MAS1: variants seen among roughly 807,000 people sequenced by gnomAD.
MAS1 encodes proto-oncogene Mas.
For missense variants in MAS1, 387 were observed against 409.7 expected, an observed-to-expected ratio of 0.94 and a Z score of 0.48; for synonymous variants, 163 against 164.2, an observed-to-expected ratio of 0.99 and a Z score of 0.05.
chr6:159,903,793 A>G (rs886172772), intron 2 of MAS1, among the ~76,000 whole-genome samples: 1 of 152,074 alleles, frequency 6.6e-6, no homozygotes, highest in Non-Finnish European at 1.5e-5. Context: ...CTTTCTATCC[A>G]TGTATAATTC....
intron 2 of MAS1, among the ~76,000 whole-genome samples, chr6:159,905,594 C>G (rs940105339): frequency 6.6e-6 from 1 of 152,202 alleles, no homozygotes; most frequent in African/African-American, 2.4e-5. Flanking sequence ...GAGATCACAG[C>G]TCAGGGCCCT....
chr6:159,898,591 GTTCCTC>G (rs1782783481), intron 1 of MAS1, among the ~76,000 whole-genome samples: 1 of 7,888 alleles, frequency 1.3e-4, no homozygotes, highest in African/African-American at 5.4e-4. Context: ...CCTTTTCCCT[GTTCCTC>G]CTTCCTCTTC....
Position 159,917,290 on chromosome 6 carries a change from A to G in MAS1, c.*9357A>G, listed in dbSNP as rs1446321402. On this transcript the variant is annotated 3_prime_UTR_variant, in exon 3 of 3. Transcript: ENST00000674077. ...TAATCACAAGGAGATTTAAAAAACG[A>G]GAGATTTTCTGTAGTAAGTACATTG... Among the ~76,000 whole-genome samples, 2 of 152,258 alleles carry G rather than the reference A, an allele frequency of 1.3e-5. No homozygotes were observed. The highest frequency in any genetic ancestry group is 4.8e-5 in the African/African-American group (2 of 41,456).
chr6:159,907,586 G>C lies in MAS1; in HGVS notation c.631G>C (p.Val211Leu). The change falls in exon 3 of 3, where the codon GTC becomes CTC. Residue 211 changes from valine to leucine, a missense_variant. Val to Leu is a conservative substitution (Grantham distance 32, BLOSUM62 1). Coordinates refer to ENST00000674077, the MANE Select transcript of MAS1 (RefSeq NM_002377.4). ...CATGCTGGTGTCCAGCACCATCTTG[G>C]TCGTGAAGATCCGGAAGAACACGTG... ...PLMLVSSTIL[V>L]VKIRKNTWAS... The C allele has an allele frequency of 6.2e-7, 1 of 1,613,920 alleles. No individual in the cohort carries two copies. The highest frequency in any genetic ancestry group is 8.5e-7 in the Non-Finnish European group (1 of 1,180,002).
chr6:159,892,912 G>A (rs1242419904), intron 1 of MAS1, among the ~76,000 whole-genome samples: 1 of 152,182 alleles, frequency 6.6e-6, no homozygotes, highest in East Asian at 1.9e-4. Context: ...TAAAATGCCA[G>A]CATGTGAAGC....
chr6:159,901,981 T>G (rs963648706), intron 2 of MAS1: 1 of 152,026 alleles, frequency 6.6e-6, no homozygotes, highest in African/African-American at 2.4e-5. Context: ...GAAACTGGTA[T>G]TGTGAAAGGA....
In MAS1 at chr6:159,907,838, T is replaced by A. The variant is rs1782915283; in HGVS notation, c.883T>A (p.Leu295Ile). The change falls in exon 3 of 3, where the codon TTA (leucine) becomes ATA (isoleucine). Residue 295 changes from leucine (L) to isoleucine (I), a missense_variant. Leu to Ile is a conservative substitution (Grantham distance 5). Coordinates refer to ENST00000674077, the MANE Select transcript of MAS1 (RefSeq NM_002377.4). ...TAAGAAGAAGAGATTCAAGGAGTCC[T>A]TAAAAGTTGTTCTGACCAGGGCTTT... Reference protein sequence around the residue: ...SSKKKRFKESLKVVLTRAFKD... With the variant: ...SSKKKRFKESIKVVLTRAFKD... The A allele has an allele frequency of 6.2e-7, 1 of 1,612,484 alleles. No homozygotes were observed. The highest frequency in any genetic ancestry group is 8.5e-7 in the Non-Finnish European group (1 of 1,179,790).
chr6:159,895,022 C>T (rs1188088984), intron 1 of MAS1, among the ~76,000 whole-genome samples: 2 of 152,136 alleles, frequency 1.3e-5, no homozygotes, highest in Admixed American at 1.3e-4. Flanking sequence ...TTAAAAACTC[C>T]ATCTTTTAAG....
Position 159,906,916 on chromosome 6 carries a change from A to C in MAS1, c.-36-4A>C. 6.5e-7 allele frequency: 1 copy of C among 1,537,522 alleles called. No individual in the cohort carries two copies. The highest frequency in any genetic ancestry group is 8.8e-7 in the Non-Finnish European group (1 of 1,140,616). On this transcript the variant is annotated splice_polypyrimidine_tract_variant and splice_region_variant and intron_variant, in intron 2 of 2. Coordinates refer to ENST00000674077, the MANE Select transcript of MAS1 (RefSeq NM_002377.4). ...TGTTTGTTTTGTTCTGGACATATTT[A>C]CAGAAAATTACCTGAAGAGTTCCAA...
Position 159,910,798 on chromosome 6 carries a change from G to A in MAS1, c.*2865G>A, listed in dbSNP as rs1001993470. ...TTCCACACTCACTGTCCTGACTCTT[G>A]CCACAATTCACCCCTCAACATCCTG... On this transcript the variant is annotated 3_prime_UTR_variant, in exon 3 of 3. Coordinates refer to ENST00000674077, the MANE Select transcript of MAS1 (RefSeq NM_002377.4). 1 of 151,874 alleles carries A rather than the reference G, an allele frequency of 6.6e-6. No homozygotes were observed. The highest frequency in any genetic ancestry group is 1.5e-5 in the Non-Finnish European group (1 of 68,020). 9.4% of individuals were successfully genotyped at this position (151,874 alleles called of 1,614,324 possible). A position where few individuals can be genotyped will look rare whatever the true frequency, so the allele number is the denominator to read the frequency against.
In MAS1 at chr6:159,916,190, C is replaced by A. The variant is rs540611319; in HGVS notation, c.*8257C>A. 6.6e-6 allele frequency: 1 copy of A among 152,272 alleles called. No individual in the cohort carries two copies. Among genetic ancestry groups the A allele is most frequent in the Non-Finnish European group, 1.5e-5 (1 of 68,026 alleles). 9.4% of individuals were successfully genotyped at this position (152,272 alleles called of 1,614,324 possible). A position where few individuals can be genotyped will look rare whatever the true frequency, so the allele number is the denominator to read the frequency against. On this transcript the variant is annotated 3_prime_UTR_variant, in exon 3 of 3. Transcript: ENST00000674077. ...TCTGTGTAAACTTTCAAGCATCAAG[C>A]AAATGTTAGTTATTTCTTGAGGACG...
At chr6:159,889,925 G>A (rs963180516), upstream of MAS1, among the ~76,000 whole-genome samples, 10 of 152,304 alleles carry the variant, frequency 6.6e-5, no homozygotes, top group East Asian at 1.9e-4. Flanking sequence ...GAAAACAGTC[G>A]GAGGGGAACT....
Position 159,909,758 on chromosome 6 carries a change from C to T in MAS1, c.*1825C>T, listed in dbSNP as rs1011305029. Reference sequence around the variant, plus strand: ...CTCATCTCTAAGGGGATCTTAGTCTCAAAGAGGACCCTAAAGACTATCAGA... The same window carrying T: ...CTCATCTCTAAGGGGATCTTAGTCTTAAAGAGGACCCTAAAGACTATCAGA... On this transcript the variant is annotated 3_prime_UTR_variant, in exon 3 of 3. Coordinates refer to ENST00000674077, the MANE Select transcript of MAS1 (RefSeq NM_002377.4). 3 of 152,022 alleles carry T rather than the reference C, an allele frequency of 2.0e-5. No individual in the cohort carries two copies. Among genetic ancestry groups the T allele is most frequent in the Admixed American group, 2.0e-4 (3 of 15,266 alleles). 9.4% of individuals were successfully genotyped at this position (152,022 alleles called of 1,614,324 possible).
intron 1 of MAS1, among the ~76,000 whole-genome samples, chr6:159,894,356 C>A (rs1782731187): frequency 6.9e-6 from 1 of 144,962 alleles, no homozygotes. Flanking sequence ...GAGGCGGAGG[C>A]TGAATTGAGT....
rs1227090320 is a variant in MAS1, at chr6:159,909,063, A to G, written c.*1130A>G. ...TGGTCACATCCTGGAGGACTCTGATATTTTTGCTCATGACAGATCCTTGCA... is the reference window on the plus strand; with the variant it reads ...TGGTCACATCCTGGAGGACTCTGATGTTTTTGCTCATGACAGATCCTTGCA... On this transcript the variant is annotated 3_prime_UTR_variant, in exon 3 of 3. Coordinates refer to ENST00000674077, the MANE Select transcript of MAS1 (RefSeq NM_002377.4). 1 of 149,886 alleles carries G rather than the reference A, an allele frequency of 6.7e-6. No individual in the cohort carries two copies. Among genetic ancestry groups the G allele is most frequent in the Non-Finnish European group, 1.5e-5 (1 of 67,758 alleles). The allele number at this position is 149,886 out of a possible 1,614,324, so 9.3% of individuals were successfully genotyped here.
chr6:159,906,499 T>C (rs1782888506), intron 2 of MAS1, among the ~76,000 whole-genome samples: 1 of 152,228 alleles, frequency 6.6e-6, no homozygotes, highest in Admixed American at 6.5e-5. Context: ...CTTAATGCAG[T>C]CCACCTGGTC....
At position 159,908,086 on chromosome 6, in the gene MAS1, T is replaced by A; in HGVS notation, c.*153T>A. The A allele has an allele frequency of 1.3e-6, 1 of 788,158 alleles. No homozygotes were observed. Among genetic ancestry groups the A allele is most frequent in the South Asian group, 2.7e-5 (1 of 37,488 alleles). The allele number at this position is 788,158 out of a possible 1,614,324, so 48.8% of individuals were successfully genotyped here. ...CTAATTAATGATGAAATTGAACTCT[T>A]GTACTGTATCTTCTGGAAATGACCT... On this transcript the variant is annotated 3_prime_UTR_variant, in exon 3 of 3. Coordinates refer to ENST00000674077, the MANE Select transcript of MAS1 (RefSeq NM_002377.4).
intron 1 of MAS1, among the ~76,000 whole-genome samples, chr6:159,896,999 A>G (rs1387868491): frequency 1.3e-5 from 2 of 151,932 alleles, no homozygotes; most frequent in South Asian, 2.1e-4. Flanking sequence ...TCAGCCTCCC[A>G]AGCAGCTGGG....
chr6:159,904,379 C>T (rs1354828612), intron 2 of MAS1, among the ~76,000 whole-genome samples: 2 of 152,154 alleles, frequency 1.3e-5, no homozygotes, highest in Non-Finnish European at 2.9e-5. Context: ...GGCTGCCTCA[C>T]AGGCTTCTCG....
Sources: allele counts gnomAD v4.1 joint callset (sites outside exome capture counted in the v4.1 genomes callset), GRCh38; gene constraint gnomAD v4.1.1; transcripts MANE v1.5; gene names NCBI Gene and HGNC (gene_info 2026-07-23, HGNC 2026-07-21).